PEX3: variants seen among roughly 807,000 people sequenced by gnomAD.
PEX3 encodes the protein peroxisomal biogenesis factor 3.
A neutral mutation model predicts 55.8 loss-of-function variants in PEX3; 30 were observed. The observed-to-expected ratio is 0.54, with a 90% confidence interval of 0.40 to 0.73. The LOEUF (loss-of-function observed/expected upper bound fraction) is 0.73, where lower values mean the gene tolerates loss of function less well. Among genes scored for constraint, PEX3 ranks in the 30% least tolerant of loss-of-function variants. The pLI is 0.00. For synonymous variants in PEX3, 135 were observed against 148.4 expected (o/e 0.91, Z 0.66); for missense variants, 351 against 432.8 (o/e 0.81, Z 1.68).
In PEX3 at chr6:143,466,565, T is replaced by A. The variant is rs1377317823; in HGVS notation, c.288-1557T>A. ...AATTAAACTTTAACATAGGTATATA[T>A]GTATAGGATAAAACATAGTATATGT... On this transcript the variant is annotated intron_variant, in intron 3 of 11. Coordinates refer to ENST00000367591, the MANE Select transcript of PEX3 (RefSeq NM_003630.3). The surrounding 1 kb of genome is among the most constrained non-coding windows in gnomAD (Gnocchi z 5.4). Among the ~76,000 whole-genome samples the A allele has an allele frequency of 1.3e-5, 2 of 152,046 alleles. No homozygotes were observed. Among genetic ancestry groups the A allele is most frequent in the African/African-American group, 4.8e-5 (2 of 41,416 alleles).
chr6:143,468,185 G>T lies in PEX3; in HGVS notation c.331+20G>T. ...TAATAAGTAAGCCTGCATATTCTGT[G>T]TGACAGCACATCCTTAAAATATTTA... On this transcript the variant is annotated intron_variant, in intron 4 of 11. Coordinates refer to ENST00000367591, the MANE Select transcript of PEX3 (RefSeq NM_003630.3). The T allele has an allele frequency of 6.5e-7, 1 of 1,534,002 alleles. No individual in the cohort carries two copies. Among genetic ancestry groups the T allele is most frequent in the Non-Finnish European group, 9.0e-7 (1 of 1,108,660 alleles).
intron 4 of PEX3, 48 bp downstream of exon 4, chr6:143,468,213 A>G (rs758228026): frequency 3.9e-6 from 5 of 1,274,250 alleles, no homozygotes; most frequent in Non-Finnish European, 5.7e-6. Flanking sequence ...AATATTTATA[A>G]AGGGAAATGT....
intron 1 of PEX3, among the ~76,000 whole-genome samples, chr6:143,457,093 C>T (rs78582029): frequency 7.0e-4 from 106 of 152,196 alleles, no homozygotes; most frequent in African/African-American, 2.5e-3. Context: ...CTTAGCTGTG[C>T]AAAAAGTGTC....
chr6:143,475,782 A>C lies in PEX3; in HGVS notation c.818+926A>C, dbSNP rs770882089. 1.3e-5 allele frequency among the ~76,000 whole-genome samples: 2 copies of C among 152,256 alleles called. No individual in the cohort carries two copies. The highest frequency in any genetic ancestry group is 2.9e-5 in the Non-Finnish European group (2 of 68,042). ...TTACTATGCTAGTAGTTAAAGCCAA[A>C]TGTATAGCCCTAGTCCTCCACCCTC... On this transcript the variant is annotated intron_variant, in intron 9 of 11. Transcript: ENST00000367591. The surrounding 1 kb of genome is among the most constrained non-coding windows in gnomAD (Gnocchi z 4.4).
At chr6:143,455,171 A>ATTTTC (rs58331398) in intron 1 of PEX3, among the ~76,000 whole-genome samples, 7,507 of 143,882 alleles carry the variant, frequency 0.052, 329 homozygotes, top group East Asian at 0.12. Context: ...ATTTGGGGGT[A>ATTTTC]TTTTCTTTTC....
rs144261199 is a variant in PEX3, at chr6:143,483,777, T to C, written c.942-1375T>C. Among the ~76,000 whole-genome samples, 23 of 152,266 alleles carry C rather than the reference T, an allele frequency of 1.5e-4. No individual in the cohort carries two copies. The highest frequency in any genetic ancestry group is 5.3e-4 in the African/African-American group (22 of 41,576). On this transcript the variant is annotated intron_variant, in intron 10 of 11. Coordinates refer to ENST00000367591, the MANE Select transcript of PEX3 (RefSeq NM_003630.3). The surrounding 1 kb of genome is among the most constrained non-coding windows in gnomAD (Gnocchi z 4.3). ...GACTTATTAATCAATTCAACAAGTA[T>C]GTATTGGATGTCCACTGTACACAAG...
intron 1 of PEX3, among the ~76,000 whole-genome samples, chr6:143,457,682 C>A (rs1251310419): frequency 1.3e-5 from 2 of 152,112 alleles, no homozygotes; most frequent in Non-Finnish European, 2.9e-5. Flanking sequence ...TTCCTTACAG[C>A]CTTGCTCTCA....
chr6:143,483,359 A>T lies in PEX3; in HGVS notation c.942-1793A>T, dbSNP rs931984696. Among the ~76,000 whole-genome samples the T allele has an allele frequency of 6.6e-6, 1 of 152,316 alleles. No homozygotes were observed. Among genetic ancestry groups the T allele is most frequent in the South Asian group, 2.1e-4 (1 of 4,828 alleles). On this transcript the variant is annotated intron_variant, in intron 10 of 11. Transcript: ENST00000367591. The surrounding 1 kb of genome is among the most constrained non-coding windows in gnomAD (Gnocchi z 4.3). ...GAACGTATAATAGAAAAATTTAAACAAAAGTAGACAGTCAAGCAGTTTTCC... is the reference window on the plus strand; with the variant it reads ...GAACGTATAATAGAAAAATTTAAACTAAAGTAGACAGTCAAGCAGTTTTCC...
intron 4 of PEX3, 49 bp downstream of exon 4, chr6:143,468,214 A>T (rs1463195990): frequency 2.4e-6 from 3 of 1,273,510 alleles, no homozygotes; most frequent in Non-Finnish European, 2.3e-6. Context: ...ATATTTATAA[A>T]GGGAAATGTT....
rs1289456355 is a variant in PEX3 at position 143,487,461 on chromosome 6, A to G, written c.1039-1682A>G. Among the ~76,000 whole-genome samples, 1 of 152,132 alleles carries G rather than the reference A, an allele frequency of 6.6e-6. No homozygotes were observed. The highest frequency in any genetic ancestry group is 1.5e-5 in the Non-Finnish European group (1 of 67,992). On this transcript the variant is annotated intron_variant, in intron 11 of 11. Transcript: ENST00000367591. This position sits in a 1 kb window ranked among gnomAD's most constrained non-coding sequence, Gnocchi z 5.3. ...ACACCTCACATACATATGTACACAC[A>G]TATACCACAGTCCTCCAGTGTTTAA...
intron 10 of PEX3, among the ~76,000 whole-genome samples, chr6:143,484,078 T>C (rs1780280395): frequency 6.6e-6 from 1 of 152,064 alleles, no homozygotes; most frequent in Non-Finnish European, 1.5e-5. Context: ...TTGCATGATA[T>C]TTAAAAGGAA....
intron 1 of PEX3, among the ~76,000 whole-genome samples, chr6:143,456,787 A>G (rs1316737704): frequency 6.6e-6 from 1 of 152,196 alleles, no homozygotes; most frequent in Non-Finnish European, 1.5e-5. Context: ...TGGGGCTCCC[A>G]TGGCAATTCA....
rs930269005 is a variant in PEX3, at chr6:143,462,656, A to G, written c.206-260A>G. ...TTAAAATCTGAGAATAATTCTTTCT[A>G]TTGTTTCTTCTGTGTGTACTTGTGT... is the stretch of plus-strand genomic sequence containing the variant. On this transcript the variant is annotated intron_variant, in intron 2 of 11. Transcript: ENST00000367591. The surrounding 1 kb of genome is among the most constrained non-coding windows in gnomAD (Gnocchi z 4.1). Among the ~76,000 whole-genome samples, 6 of 152,122 alleles carry G rather than the reference A, an allele frequency of 3.9e-5. No homozygotes were observed. The highest frequency in any genetic ancestry group is 7.4e-5 in the Non-Finnish European group (5 of 68,008).
chr6:143,456,948 C>T (rs952790201), intron 1 of PEX3, among the ~76,000 whole-genome samples: 2 of 152,134 alleles, frequency 1.3e-5, no homozygotes, highest in Admixed American at 6.5e-5. Context: ...TTATATCATA[C>T]TGCCTATGCT....
chr6:143,457,213 T>G (rs1269980764), intron 1 of PEX3, among the ~76,000 whole-genome samples: 1 of 152,234 alleles, frequency 6.6e-6, no homozygotes, highest in African/African-American at 2.4e-5. Flanking sequence ...ATCTATTATG[T>G]CAGAATTGCC....
rs1021165683 is a variant in PEX3 at position 143,464,863 on chromosome 6, G to GT, written c.287+1875dup. Among the ~76,000 whole-genome samples the GT allele has an allele frequency of 2.1e-3, 323 of 150,824 alleles. No homozygotes were observed. The highest frequency in any genetic ancestry group is 7.1e-3 in the African/African-American group (293 of 41,202). On this transcript the variant is annotated intron_variant, in intron 3 of 11. Transcript: ENST00000367591. This position sits in a 1 kb window ranked among gnomAD's most constrained non-coding sequence, Gnocchi z 5.8. ...GGTCTCATATAAGCCTGTTGAGCAA[G>GT]TTTTTTTTTCTTTAAACTATTTGTG... is the stretch of plus-strand genomic sequence containing the variant.
chr6:143,478,277 A>G (rs1006055685), intron 9 of PEX3, among the ~76,000 whole-genome samples: 1 of 152,100 alleles, frequency 6.6e-6, no homozygotes, highest in Non-Finnish European at 1.5e-5. Flanking sequence ...ATTGGCTGGA[A>G]ATGGGCCTAG....
At chr6:143,478,632 T>C (rs1303896141) in intron 9 of PEX3, among the ~76,000 whole-genome samples, 11 of 152,098 alleles carry the variant, frequency 7.2e-5, no homozygotes, top group Non-Finnish European at 4.4e-5. Flanking sequence ...GGTCTCATGT[T>C]TGAGCTCCCC....
At chr6:143,455,416 C>A (rs912702480) in intron 1 of PEX3, among the ~76,000 whole-genome samples, 3 of 137,932 alleles carry the variant, frequency 2.2e-5, no homozygotes, top group Non-Finnish European at 4.6e-5. Flanking sequence ...GGGGTTTCAC[C>A]ATGTTAGCTA....
Sources: allele counts gnomAD v4.1 joint callset (sites outside exome capture counted in the v4.1 genomes callset), GRCh38; gene constraint gnomAD v4.1.1; non-coding constraint Gnocchi (gnomAD v3.1); transcripts MANE v1.5; gene names NCBI Gene and HGNC (gene_info 2026-07-23, HGNC 2026-07-21).